MLIP: variants seen among roughly 807,000 people sequenced by gnomAD.
MLIP encodes muscular LMNA-interacting protein.
A neutral mutation model predicts 84.8 loss-of-function variants in MLIP; 79 were observed. The observed-to-expected ratio is 0.93, with a 90% CI of 0.78 to 1.12. MLIP has a LOEUF of 1.12. Among genes scored for constraint, MLIP ranks in the 50% most tolerant of loss-of-function variants. The probability of loss-of-function intolerance (pLI) is 0.00; values close to 1 mark genes in which losing one functional copy is unlikely to be tolerated. For synonymous variants in MLIP, 504 were observed against 463.0 expected, an observed-to-expected ratio of 1.09 and a Z score of -1.14; for missense variants, 1,257 against 1,160.6, an observed-to-expected ratio of 1.08 and a Z score of -1.21.
At chr6:54,197,508 T>C (rs945159852) in intron 10 of MLIP, among the ~76,000 whole-genome samples, 1 of 152,134 alleles carries the variant, frequency 6.6e-6, no homozygotes, top group African/African-American at 2.4e-5. Flanking sequence ...CAAAAATGTC[T>C]ATACCCAGTG....
intron 13 of MLIP, among the ~76,000 whole-genome samples, chr6:54,263,950 G>GT (rs1311567652): frequency 2.8e-4 from 42 of 152,132 alleles, no homozygotes; most frequent in African/African-American, 9.4e-4. Context: ...TTATTCCCAA[G>GT]TTTTTTAGCT....
chr6:54,231,783 A>G (rs956506469), intron 12 of MLIP, among the ~76,000 whole-genome samples: 1 of 152,214 alleles, frequency 6.6e-6, no homozygotes, highest in Non-Finnish European at 1.5e-5. Flanking sequence ...CTCTATACTT[A>G]GAAATCAATC....
chr6:54,147,223 G>T (rs1490449862), intron 4 of MLIP, among the ~76,000 whole-genome samples: 1 of 152,138 alleles, frequency 6.6e-6, no homozygotes, highest in African/African-American at 2.4e-5. Context: ...CACGTATATT[G>T]GACACAGGCA....
upstream of MLIP, among the ~76,000 whole-genome samples, chr6:54,110,286 A>G (rs766968645): frequency 1.1e-4 from 16 of 152,002 alleles, no homozygotes; most frequent in Non-Finnish European, 2.1e-4. Flanking sequence ...CCTGGCCAGT[A>G]TAGGGCTTTT....
At chr6:54,252,145 A>ATT (rs1562109965) in intron 12 of MLIP, among the ~76,000 whole-genome samples, 3,453 of 99,272 alleles carry the variant, frequency 0.035, 234 homozygotes, top group African/African-American at 0.072. Flanking sequence ...ATATAACTAT[A>ATT]ATATAACATA....
At chr6:54,225,332 A>G (rs181784331) in intron 11 of MLIP, among the ~76,000 whole-genome samples, 67 of 152,296 alleles carry the variant, frequency 4.4e-4, no homozygotes, top group African/African-American at 1.5e-3. Flanking sequence ...ACAGTATTGT[A>G]CTGAATACTG....
chr6:54,109,925 C>CT (rs1769310514), upstream of MLIP, among the ~76,000 whole-genome samples: 284 of 14,646 alleles, frequency 0.019, no homozygotes, highest in African/African-American at 0.072. Flanking sequence ...TTCTTTCTTT[C>CT]TTCCTTCCTT....
At chr6:54,054,000 A>G (rs1765507879) in intron 1 of MLIP, among the ~76,000 whole-genome samples, 1 of 152,198 alleles carries the variant, frequency 6.6e-6, no homozygotes, top group African/African-American at 2.4e-5. Flanking sequence ...GATTTTCTTT[A>G]ATGGAAACCA....
chr6:54,111,464 C>T lies in MLIP; in HGVS notation c.-16C>T. ...CCTCAGTCATTGGTTTGCTCGCTCCCTTATGTGATGAATCAATGCTTTCAG... is the reference window on the plus strand; with the variant it reads ...CCTCAGTCATTGGTTTGCTCGCTCCTTTATGTGATGAATCAATGCTTTCAG... On this transcript the variant is annotated 5_prime_UTR_variant, in exon 1 of 14. Transcript: ENST00000502396. 2.0e-6 allele frequency: 3 copies of T among 1,535,882 alleles called. No homozygotes were observed. Among genetic ancestry groups the T allele is most frequent in the Non-Finnish European group, 2.6e-6 (3 of 1,146,802 alleles).
chr6:54,085,778 C>T (rs1254346714), intron 1 of MLIP, among the ~76,000 whole-genome samples: 1 of 152,168 alleles, frequency 6.6e-6, no homozygotes, highest in African/African-American at 2.4e-5. Context: ...TATTCACGCT[C>T]ATTTTCCTAC....
chr6:54,219,589 G>A (rs1336130924), intron 11 of MLIP, among the ~76,000 whole-genome samples: 1 of 152,048 alleles, frequency 6.6e-6, no homozygotes, highest in Non-Finnish European at 1.5e-5. Context: ...TTAGGATTGA[G>A]TAATTGTGAC....
intron 11 of MLIP, among the ~76,000 whole-genome samples, chr6:54,211,976 A>G (rs1389790231): frequency 6.6e-6 from 1 of 152,122 alleles, no homozygotes; most frequent in East Asian, 1.9e-4. Context: ...ACTTCTCCCT[A>G]TTTGACATAA....
intron 3 of MLIP, among the ~76,000 whole-genome samples, chr6:54,136,444 A>T (rs1386646915): frequency 3.3e-5 from 5 of 152,198 alleles, no homozygotes; most frequent in African/African-American, 4.8e-5. Flanking sequence ...CTGTCAACGA[A>T]TTATCTTCCA....
At chr6:54,035,688 G>T (rs1054938861) in intron 1 of MLIP, among the ~76,000 whole-genome samples, 11 of 152,048 alleles carry the variant, frequency 7.2e-5, no homozygotes, top group African/African-American at 2.4e-4. Flanking sequence ...TCTTATCATG[G>T]TTTTAATTTA....
At chr6:54,254,742 CCCTTCCTTCCTT>C (rs372950271) in intron 12 of MLIP, among the ~76,000 whole-genome samples, 2 of 125,024 alleles carry the variant, frequency 1.6e-5, no homozygotes, top group Non-Finnish European at 3.2e-5. Context: ...TTTTCTCCCT[CCCTTCCTTCCTT>C]CCTTCCTTCC....
intron 3 of MLIP, among the ~76,000 whole-genome samples, chr6:54,132,979 A>G (rs1050596434): frequency 6.6e-6 from 1 of 152,206 alleles, no homozygotes; most frequent in Admixed American, 6.6e-5. Context: ...GGATTGGTTT[A>G]AGAATGAAGG....
chr6:54,102,358 G>T (rs1268001790), intron 1 of MLIP, among the ~76,000 whole-genome samples: 2 of 152,118 alleles, frequency 1.3e-5, no homozygotes, highest in African/African-American at 4.8e-5. Context: ...GTTTGAGTGG[G>T]TTAAGTGTTT....
At chr6:54,083,136 C>T (rs555705813) in intron 1 of MLIP, among the ~76,000 whole-genome samples, 2 of 152,026 alleles carry the variant, frequency 1.3e-5, no homozygotes, top group East Asian at 3.8e-4. Context: ...GAGTTTCTTA[C>T]TTAAGGCTTT....
At chr6:54,216,705 TATG>T in intron 11 of MLIP, 2 of 985,392 alleles carry the variant, frequency 2.0e-6, no homozygotes, top group African/African-American at 3.5e-5. Context: ...ATTCAAAATA[TATG>T]TGTTGCTTTA....
Sources: allele counts gnomAD v4.1 joint callset (sites outside exome capture counted in the v4.1 genomes callset), GRCh38; gene constraint gnomAD v4.1.1; transcripts MANE v1.5; gene names NCBI Gene and HGNC (gene_info 2026-07-23, HGNC 2026-07-21).